The following ACACB variants were observed in gnomAD, a reference collection of about 807,000 sequenced individuals.
The protein encoded by ACACB is acetyl-CoA carboxylase beta, also known as acetyl-CoA carboxylase 2.
Under a neutral mutation model 278.8 loss-of-function variants are expected in ACACB, and 209 were observed. The ratio of observed to expected loss-of-function variants is 0.75; its 90% CI spans 0.67 to 0.84. ACACB has a LOEUF of 0.84. ACACB is among the 40% of genes least tolerant of loss of function. ACACB has a pLI of 0.00. For synonymous variants in ACACB, 1,174 were observed against 1,285.6 expected, an observed-to-expected ratio of 0.91 and a Z score of 1.86; for missense variants, 2,850 against 3,269.0, an observed-to-expected ratio of 0.87 and a Z score of 3.13.
chr12:109,112,959 A>G (rs976126242), upstream of ACACB: 8 of 152,222 alleles, frequency 5.3e-5, no homozygotes, highest in African/African-American at 1.9e-4. Context: ...GGCAAAACGT[A>G]CAGGAACGGG....
chr12:109,244,397 GAAT>G lies in ACACB; in HGVS notation c.5179-1223_5179-1221del, dbSNP rs200089652. On this transcript the variant is annotated intron_variant, in intron 37 of 52. Transcript: ENST00000338432. ...CTCAGTTTCCTCTTCTGTAAAATAA[GAAT>G]AATAACAGTACCTACCAAAAGTTGT... Among the ~76,000 whole-genome samples, 146 of 152,248 alleles carry G rather than the reference GAAT, an allele frequency of 9.6e-4. 2 individuals are homozygous for G. The East Asian group carries it at 0.027, about 28-fold the overall frequency.
chr12:109,206,761 G>T lies in ACACB; in HGVS notation c.2965G>T (p.Gly989Ter). 6.2e-7 allele frequency: 1 copy of T among 1,614,068 alleles called. No individual in the cohort carries two copies. The highest frequency in any genetic ancestry group is 8.5e-7 in the Non-Finnish European group (1 of 1,180,022). Reference protein sequence around the residue: ...LPAQQTLPILGEKLHQVFHSV... With the variant: ...LPAQQTLPIL ...TGCCCAGCAGACACTGCCCATCCTC[G>T]GAGAGAAACTGCACCAGGTCTTCCA... is the stretch of plus-strand genomic sequence containing the variant. The change falls in exon 20 of 53, where the codon GGA (glycine) becomes TGA (stop). Residue 989 changes from glycine to a stop codon, truncating the protein, a stop_gained. Transcript: ENST00000338432. LOFTEE classifies it high-confidence loss of function.
chr12:109,149,218 G>A (rs1466102470), intron 2 of ACACB, among the ~76,000 whole-genome samples: 1 of 152,142 alleles, frequency 6.6e-6, no homozygotes, highest in Non-Finnish European at 1.5e-5. Context: ...GGGCACCTCC[G>A]TCCTCCTCCT....
intron 3 of ACACB, among the ~76,000 whole-genome samples, chr12:109,167,630 T>TATAC (rs2043958684): frequency 7.9e-6 from 1 of 126,502 alleles, no homozygotes; most frequent in African/African-American, 3.2e-5. Flanking sequence ...TGTATATATA[T>TATAC]ATATATATAT....
chr12:109,262,615 A>C, intron 49 of ACACB, 146 bp downstream of exon 49: 3 of 592,032 alleles, frequency 5.1e-6, no homozygotes, highest in Non-Finnish European at 8.9e-6. Flanking sequence ...AGATATTCAC[A>C]TTTGTCTGTT....
Position 109,176,023 on chromosome 12 carries a change from G to T in ACACB, c.1309G>T (p.Val437Leu). Residue 437 changes from valine (V) to leucine (L), a missense_variant, in exon 8 of 53, where the codon GTA (valine) becomes TTA (leucine). Val to Leu is a conservative substitution (Grantham distance 32, BLOSUM62 1). Transcript: ENST00000338432. ...DVYDKGCVKD[V>L]DEGLEAAERI... is the part of the protein sequence containing the mutation. ...TTATGACAAGGGTTGCGTGAAAGACGTAGATGAGGGCTTGGAGGTAAATGC... is the reference window on the plus strand; with the variant it reads ...TTATGACAAGGGTTGCGTGAAAGACTTAGATGAGGGCTTGGAGGTAAATGC... 6.2e-7 allele frequency: 1 copy of T among 1,614,200 alleles called. No homozygotes were observed. Among genetic ancestry groups the T allele is most frequent in the Non-Finnish European group, 8.5e-7 (1 of 1,180,030 alleles).
chr12:109,210,765 T>A (rs1213470722), intron 21 of ACACB, among the ~76,000 whole-genome samples: 1 of 149,906 alleles, frequency 6.7e-6, no homozygotes, highest in African/African-American at 2.5e-5. Flanking sequence ...AAAAAAAAAA[T>A]TAGCTGGGCG....
At position 109,222,798 on chromosome 12, in the gene ACACB, G is replaced by A; in HGVS notation, c.3679-1G>A. 6.2e-7 allele frequency: 1 copy of A among 1,612,334 alleles called. No homozygotes were observed. Among genetic ancestry groups the A allele is most frequent in the Non-Finnish European group, 8.5e-7 (1 of 1,178,914 alleles). On this transcript the variant is annotated splice_acceptor_variant, in intron 25 of 52. Transcript: ENST00000338432. LOFTEE classifies it high-confidence loss of function. ...CAGCGCCCCCATCCCTCCCCCTGCA[G>A]ATCCTGATTGCCTCCCACCTCCCCT...
At chr12:109,189,396 G>A (rs2044782315) in intron 13 of ACACB, among the ~76,000 whole-genome samples, 1 of 152,192 alleles carries the variant, frequency 6.6e-6, no homozygotes, top group Non-Finnish European at 1.5e-5. Flanking sequence ...GTAGGCGGAA[G>A]ACAGGTCAGC....
intron 2 of ACACB, among the ~76,000 whole-genome samples, chr12:109,159,777 G>A (rs529561263): frequency 1.3e-5 from 2 of 151,834 alleles, no homozygotes; most frequent in African/African-American, 4.8e-5. Flanking sequence ...TGCTCCCCGG[G>A]GAGCAAAATT....
chr12:109,174,203 G>T lies in ACACB; in HGVS notation c.1189G>T (p.Val397Phe). The change falls in exon 7 of 53, where the codon GTC becomes TTC. Residue 397 changes from valine (V) to phenylalanine (F), a missense_variant. Val to Phe is a conservative substitution (Grantham distance 50). This residue lies in a region of ACACB where 2,265 missense variants were observed against 2,561.3 expected (regional missense o/e 0.88). Coordinates refer to ENST00000338432, the MANE Select transcript of ACACB (RefSeq NM_001093.4). ...ASTVVAQTLQ[V>F]PTLPWSGSGL... The stretch of plus-strand genomic sequence containing the variant: ...CACCGTTGTCGCCCAGACGCTACAG[G>T]TCCCAACCCTGCCCTGGAGTGGAAG... 1 of 1,612,974 alleles carries T rather than the reference G, an allele frequency of 6.2e-7. No individual in the cohort carries two copies. Among genetic ancestry groups the T allele is most frequent in the Non-Finnish European group, 8.5e-7 (1 of 1,179,672 alleles).
rs1469085850 is a variant in ACACB at position 109,209,856 on chromosome 12, T to C, written c.3249+503T>C. ...ACACATACACACACGTGTGTATATA[T>C]GTATATACACACATACACACACGTG... On this transcript the variant is annotated intron_variant, in intron 21 of 52. Transcript: ENST00000338432. Among the ~76,000 whole-genome samples, 3 of 138,886 alleles carry C rather than the reference T, an allele frequency of 2.2e-5. 1 individual carries two copies. Among genetic ancestry groups the C allele is most frequent in the African/African-American group, 5.5e-5 (2 of 36,098 alleles). The allele number at this position is 138,886 out of a possible 152,430, so 91.1% of individuals were successfully genotyped here.
At chr12:109,264,413 T>C in intron 50 of ACACB, 27 bp downstream of exon 50, 1 of 1,609,596 alleles carries the variant, frequency 6.2e-7, no homozygotes, top group South Asian at 1.1e-5. Context: ...CCGTGTAGGG[T>C]GCAAAGAGCC....
rs1285365987 is a variant in ACACB, at chr12:109,260,559, T to C, written c.6576T>C (p.Tyr2192=). The change falls in exon 48 of 53, where the codon TAT becomes TAC. Residue 2192 remains tyrosine (Y), a synonymous_variant. Transcript: ENST00000338432. ...AATACAAACAGCCCATCCTGATCTA[T>C]ATCCCGCCCTATGCGGAGCTCCGGG... is the stretch of plus-strand genomic sequence containing the variant. ...LRQYKQPILI[Y]IPPYAELRGG... The C allele has an allele frequency of 6.2e-7, 1 of 1,614,184 alleles. No individual in the cohort carries two copies.
intron 5 of ACACB, 112 bp downstream of exon 5, chr12:109,172,026 C>T: frequency 3.3e-6 from 3 of 918,706 alleles, no homozygotes; most frequent in Non-Finnish European, 5.1e-6. Context: ...CCACAAGGCT[C>T]CAAATTCCTG....
chr12:109,180,294 G>T (rs1460119856), intron 11 of ACACB, among the ~76,000 whole-genome samples: 4 of 152,188 alleles, frequency 2.6e-5, no homozygotes, highest in Admixed American at 2.6e-4. Context: ...TAGACCTAGA[G>T]AAATGTTTCT....
intron 28 of ACACB, among the ~76,000 whole-genome samples, chr12:109,230,081 G>A (rs1257079312): frequency 6.6e-6 from 1 of 152,148 alleles, no homozygotes; most frequent in Non-Finnish European, 1.5e-5. Flanking sequence ...TGGGAGTTCG[G>A]TTGATCAGAT....
Position 109,223,911 on chromosome 12 carries a change from A to G in ACACB, c.3882+7A>G. 6.2e-7 allele frequency: 1 copy of G among 1,612,828 alleles called. No individual in the cohort carries two copies. The highest frequency in any genetic ancestry group is 8.5e-7 in the Non-Finnish European group (1 of 1,178,824). Reference sequence around the variant, plus strand: ...GTGCATGGCGTCCTTGGAGGTAAGCAGGAGAGGCCCAGAGAACAGCACTGA... The same window carrying G: ...GTGCATGGCGTCCTTGGAGGTAAGCGGGAGAGGCCCAGAGAACAGCACTGA... On this transcript the variant is annotated splice_region_variant and intron_variant, in intron 27 of 52. Transcript: ENST00000338432.
chr12:109,264,466 C>A (rs1414967212), intron 50 of ACACB, 80 bp downstream of exon 50: 1 of 687,374 alleles, frequency 1.5e-6, no homozygotes, highest in Non-Finnish European at 2.5e-6. Flanking sequence ...GGCTCGGGGG[C>A]GGGGAGGGCG....
Sources: allele counts gnomAD v4.1 joint callset (sites outside exome capture counted in the v4.1 genomes callset), GRCh38; gene constraint gnomAD v4.1.1; regional missense constraint gnomAD v4.1.1; transcripts MANE v1.5; gene names NCBI Gene and HGNC (gene_info 2026-07-23, HGNC 2026-07-21).